The following ABHD18 variants were observed in gnomAD, a reference collection of about 807,000 sequenced individuals.
The protein encoded by ABHD18 is cardiolipin-specific deacylase, mitochondrial.
A neutral mutation model predicts 65.9 loss-of-function variants in ABHD18; 55 were observed. The observed-to-expected ratio is 0.84, with a 90% CI of 0.67 to 1.05. The LOEUF is 1.05. ABHD18 is among the 50% of genes least tolerant of loss of function. The probability of loss-of-function intolerance (pLI) is 0.00; values close to 1 mark genes in which losing one functional copy is unlikely to be tolerated. For synonymous variants in ABHD18, 181 were observed against 180.2 expected (o/e 1.00, Z -0.04); for missense variants, 533 against 558.5 (o/e 0.95, Z 0.46).
At chr4:128,022,436 G>C (rs143234077) in intron 10 of ABHD18, among the ~76,000 whole-genome samples, 38 of 152,238 alleles carry the variant, frequency 2.5e-4, no homozygotes, top group African/African-American at 8.9e-4. Flanking sequence ...GGATCTAAAG[G>C]CTTGATTAAA....
chr4:128,027,190 A>G (rs1010700128), intron 10 of ABHD18, among the ~76,000 whole-genome samples: 4 of 152,214 alleles, frequency 2.6e-5, no homozygotes, highest in African/African-American at 7.2e-5. Flanking sequence ...CCTAGAAACA[A>G]TAGATTATAC....
intron 6 of ABHD18, 130 bp downstream of exon 6, chr4:128,009,321 A>C: frequency 2.1e-6 from 1 of 484,708 alleles, no homozygotes; most frequent in Admixed American, 4.3e-5. Flanking sequence ...GAAAATACTT[A>C]AGGAGCAAGA....
chr4:128,021,655 A>C (rs953744659), intron 10 of ABHD18, among the ~76,000 whole-genome samples: 3 of 152,184 alleles, frequency 2.0e-5, no homozygotes, highest in African/African-American at 7.2e-5. Flanking sequence ...CTCTGTCTTA[A>C]AAATAAATAA....
intron 1 of ABHD18, among the ~76,000 whole-genome samples, chr4:127,981,597 C>T (rs1749062200): frequency 6.6e-6 from 1 of 152,042 alleles, no homozygotes; most frequent in African/African-American, 2.4e-5. Context: ...AACTTATTAA[C>T]CCACCCAGGG....
At chr4:128,017,066 C>T (rs1432511889) in intron 7 of ABHD18, among the ~76,000 whole-genome samples, 1 of 151,962 alleles carries the variant, frequency 6.6e-6, no homozygotes, top group Non-Finnish European at 1.5e-5. Flanking sequence ...CACAGGCATG[C>T]GCCACCATGC....
chr4:127,987,336 A>G (rs1486156698), intron 3 of ABHD18, among the ~76,000 whole-genome samples: 2 of 151,990 alleles, frequency 1.3e-5, no homozygotes, highest in African/African-American at 4.8e-5. Context: ...TTGGCAACAG[A>G]GTGAGACCCA....
At chr4:127,991,829 T>C (rs539504495) in intron 4 of ABHD18, among the ~76,000 whole-genome samples, 1 of 152,224 alleles carries the variant, frequency 6.6e-6, no homozygotes, top group Non-Finnish European at 1.5e-5. Flanking sequence ...AGTGAACGTA[T>C]TGGAATCCTG....
chr4:128,035,738 T>TA (rs1397662115), intron 12 of ABHD18, 24 bp from the exon 13 acceptor site: 1 of 1,448,058 alleles, frequency 6.9e-7, no homozygotes, highest in East Asian at 2.5e-5. Flanking sequence ...TTACTTAGAG[T>TA]TTTTCTTTCA....
chr4:128,011,356 G>C (rs550892199), intron 6 of ABHD18, among the ~76,000 whole-genome samples: 5 of 152,042 alleles, frequency 3.3e-5, no homozygotes, highest in Admixed American at 1.3e-4. Context: ...CACCATGTTA[G>C]CCAGGATGGT....
intron 4 of ABHD18, among the ~76,000 whole-genome samples, chr4:127,998,829 T>G: frequency 6.6e-6 from 1 of 152,166 alleles, no homozygotes; most frequent in East Asian, 1.9e-4. Context: ...ATTATATGAA[T>G]TGTCTAAGTC....
At chr4:128,024,138 AG>A (rs1252130947) in intron 10 of ABHD18, among the ~76,000 whole-genome samples, 1 of 152,220 alleles carries the variant, frequency 6.6e-6, no homozygotes, top group Non-Finnish European at 1.5e-5. Flanking sequence ...TCCAAGGTTG[AG>A]GGGCCCACAT....
At chr4:127,988,923 G>T (rs1414337572) in intron 3 of ABHD18, among the ~76,000 whole-genome samples, 1 of 152,032 alleles carries the variant, frequency 6.6e-6, no homozygotes, top group Non-Finnish European at 1.5e-5. Context: ...CCCCCCACTG[G>T]GTATATATGA....
chr4:128,028,827 A>C lies in ABHD18; in HGVS notation c.1154A>C (p.Glu385Ala), dbSNP rs1218528047. Residue 385 changes from glutamate (E) to alanine (A), a missense_variant, in exon 11 of 13, where the codon GAA becomes GCA. Glu to Ala is a moderately radical substitution (Grantham distance 107). This residue lies in a region of ABHD18 where 220 missense variants were observed against 226.8 expected (regional missense o/e 0.97). Transcript: ENST00000645843. ...SLIFMKGVMDECTHVANFSVP... is the reference protein window; with the variant it reads ...SLIFMKGVMDACTHVANFSVP... ...ATATTTATGAAAGGAGTCATGGATG[A>C]ATGTACTCATGTAGCAAATTTCTCA... 6.3e-6 allele frequency: 10 copies of C among 1,575,128 alleles called. No homozygotes were observed. The highest frequency in any genetic ancestry group is 8.6e-6 in the Non-Finnish European group (10 of 1,163,456).
intron 2 of ABHD18, among the ~76,000 whole-genome samples, chr4:127,983,358 T>C (rs1171381258): frequency 6.6e-6 from 1 of 152,220 alleles, no homozygotes; most frequent in African/African-American, 2.4e-5. Flanking sequence ...TTTCCAAGGA[T>C]TGAGTCTTCT....
At chr4:128,031,981 A>C (rs1013322378) in intron 12 of ABHD18, among the ~76,000 whole-genome samples, 5 of 152,352 alleles carry the variant, frequency 3.3e-5, no homozygotes, top group Middle Eastern at 3.4e-3. Context: ...AAGTTCTGTT[A>C]TACATGTGAA....
At chr4:128,033,683 C>A (rs573160170) in intron 12 of ABHD18, among the ~76,000 whole-genome samples, 44 of 151,832 alleles carry the variant, frequency 2.9e-4, no homozygotes, top group African/African-American at 8.4e-4. Flanking sequence ...CTACAGGCGC[C>A]CGCCACCACG....
chr4:128,038,578 CT>C lies in ABHD18; in HGVS notation c.*2767del, dbSNP rs1759070845. On this transcript the variant is annotated 3_prime_UTR_variant, in exon 13 of 13. Coordinates refer to ENST00000645843, the MANE Select transcript of ABHD18 (RefSeq NM_001358451.3). ...AGAAAGTATTTTTAAAATTTCATCT[CT>C]TAACCAGATGTTTTAAGAATATATC... 6.6e-6 allele frequency: 1 copy of C among 152,140 alleles called. No homozygotes were observed. The highest frequency in any genetic ancestry group is 2.1e-4 in the South Asian group (1 of 4,824). 9.4% of individuals were successfully genotyped at this position (152,140 alleles called of 1,614,324 possible). A position where few individuals can be genotyped will look rare whatever the true frequency, so the allele number is the denominator to read the frequency against.
chr4:128,016,169 GTC>G (rs1349762176), intron 7 of ABHD18, among the ~76,000 whole-genome samples: 2 of 151,624 alleles, frequency 1.3e-5, no homozygotes, highest in South Asian at 2.1e-4. Flanking sequence ...GGTCAGGCTG[GTC>G]TCTAACTCCT....
rs569241018 is a variant in ABHD18 at position 127,975,437 on chromosome 4, C to T, written c.-17-7502C>T. On this transcript the variant is annotated intron_variant, in intron 1 of 12. Transcript: ENST00000645843. ...TTTGTGGCTGACTAATTTCACTTAGCGTAATGTCCTCTGAGTTCATCCATG... is the reference window on the plus strand; with the variant it reads ...TTTGTGGCTGACTAATTTCACTTAGTGTAATGTCCTCTGAGTTCATCCATG... Among the ~76,000 whole-genome samples the T allele has an allele frequency of 4.6e-5, 7 of 152,300 alleles. No homozygotes were observed. In the South Asian group the frequency reaches 6.2e-4, roughly 14 times the overall value.
Sources: gnomAD v4.1 joint callset for allele counts (sites outside exome capture counted in the v4.1 genomes callset) on GRCh38, gnomAD v4.1.1 for gene constraint, gnomAD v4.1.1 regional missense constraint, MANE v1.5 for transcripts, NCBI Gene and HGNC (gene_info 2026-07-23, HGNC 2026-07-21) for gene names.